AGBL4: variants seen among roughly 807,000 people sequenced by gnomAD.
The protein encoded by AGBL4 is AGBL carboxypeptidase 4.
AGBL4 carries 58 observed loss-of-function variants against 66.4 expected under a neutral mutation model. That is an observed-to-expected ratio of 0.87 (90% confidence interval 0.71 to 1.09). The LOEUF is 1.09. Among genes scored for constraint, AGBL4 ranks in the 50% least tolerant of loss-of-function variants. The pLI, the probability that AGBL4 is intolerant of heterozygous loss-of-function variation, is 0.00. For synonymous variants in AGBL4, 234 were observed against 222.9 expected, an observed-to-expected ratio of 1.05 and a Z score of -0.44; for missense variants, 579 against 631.0, an observed-to-expected ratio of 0.92 and a Z score of 0.88.
intron 11 of AGBL4, among the ~76,000 whole-genome samples, chr1:48,581,619 G>A (rs1462213383): frequency 6.6e-6 from 1 of 152,102 alleles, no homozygotes; most frequent in Non-Finnish European, 1.5e-5. Flanking sequence ...ATGTAAATAG[G>A]GTTTCCTGAA....
intron 9 of AGBL4, among the ~76,000 whole-genome samples, chr1:48,615,541 A>T (rs1197403718): frequency 1.3e-5 from 2 of 152,216 alleles, no homozygotes; most frequent in Non-Finnish European, 2.9e-5. Flanking sequence ...CTTCCCTTTA[A>T]TCTCTTAAGA....
At chr1:48,774,625 A>G (rs1271866653) in intron 6 of AGBL4, among the ~76,000 whole-genome samples, 1 of 152,242 alleles carries the variant, frequency 6.6e-6, no homozygotes, top group Non-Finnish European at 1.5e-5. Flanking sequence ...AGATTTATCA[A>G]CATTCTAACT....
chr1:48,674,407 T>C (rs1031950756), intron 6 of AGBL4, among the ~76,000 whole-genome samples: 3 of 151,904 alleles, frequency 2.0e-5, no homozygotes, highest in African/African-American at 7.3e-5. Context: ...GAGAGCAGAG[T>C]AGACCCAGGT....
At chr1:49,294,581 C>T (rs1644603928) in intron 3 of AGBL4, among the ~76,000 whole-genome samples, 1 of 152,172 alleles carries the variant, frequency 6.6e-6, no homozygotes, top group African/African-American at 2.4e-5. Flanking sequence ...ATTGTGCTTT[C>T]CCACATCTAA....
intron 1 of AGBL4, among the ~76,000 whole-genome samples, chr1:49,955,365 T>C (rs1204357518): frequency 6.6e-6 from 1 of 151,974 alleles, no homozygotes; most frequent in Non-Finnish European, 1.5e-5. Flanking sequence ...AAAACAGAAT[T>C]ACATTGGGTA....
chr1:48,746,600 C>T (rs1297893453), intron 6 of AGBL4, among the ~76,000 whole-genome samples: 1 of 152,254 alleles, frequency 6.6e-6, no homozygotes, highest in Non-Finnish European at 1.5e-5. Flanking sequence ...CAACAGCCTC[C>T]TCCTTCCAGG....
At chr1:49,012,538 C>G (rs1171502514) in intron 5 of AGBL4, among the ~76,000 whole-genome samples, 1 of 152,128 alleles carries the variant, frequency 6.6e-6, no homozygotes, top group East Asian at 1.9e-4. Flanking sequence ...ACAGCATAAT[C>G]CAAACCCATA....
At position 49,948,045 on chromosome 1, in the gene AGBL4, TATATAA is replaced by T. The variant is rs1222188770; in HGVS notation, c.34+75712_34+75717del. On this transcript the variant is annotated intron_variant, in intron 1 of 13. Coordinates refer to ENST00000371839, the MANE Select transcript of AGBL4 (RefSeq NM_032785.4). ...ATATATAAATATATATACATATAAATATATAAATATATATATGTAAATATATGTAAA... is the reference window on the plus strand; with the variant it reads ...ATATATAAATATATATACATATAAATATATATATATGTAAATATATGTAAA... 8.9e-3 allele frequency among the ~76,000 whole-genome samples: 58 copies of T among 6,536 alleles called. 1 individual carries two copies. The highest frequency in any genetic ancestry group is 0.014 in the African/African-American group (58 of 4,112). The allele number at this position is 6,536 out of a possible 152,430, so 4.3% of individuals were successfully genotyped here. A position where few individuals can be genotyped will look rare whatever the true frequency, so the allele number is the denominator to read the frequency against.
chr1:49,833,893 G>A (rs999788364), intron 2 of AGBL4, among the ~76,000 whole-genome samples: 2 of 152,132 alleles, frequency 1.3e-5, no homozygotes, highest in African/African-American at 4.8e-5. Flanking sequence ...GAGATTTTGG[G>A]CTGAGACAAT....
chr1:49,698,687 G>T (rs528616179), intron 2 of AGBL4, among the ~76,000 whole-genome samples: 2 of 151,988 alleles, frequency 1.3e-5, no homozygotes, highest in Non-Finnish European at 2.9e-5. Context: ...AAGTGGTAAG[G>T]CTTAATAAAA....
intron 6 of AGBL4, among the ~76,000 whole-genome samples, chr1:48,824,901 C>A (rs1343058094): frequency 6.6e-6 from 1 of 152,200 alleles, no homozygotes; most frequent in Non-Finnish European, 1.5e-5. Flanking sequence ...AGCTCTGCAA[C>A]TACCTGTGTA....
chr1:48,665,358 C>T (rs1350672367), intron 6 of AGBL4, among the ~76,000 whole-genome samples: 1 of 152,196 alleles, frequency 6.6e-6, no homozygotes, highest in East Asian at 1.9e-4. Context: ...TGGCTAATGT[C>T]TTTCCCAGGA....
At chr1:49,833,082 G>C (rs965698453) in intron 2 of AGBL4, among the ~76,000 whole-genome samples, 6 of 152,078 alleles carry the variant, frequency 3.9e-5, no homozygotes, top group Admixed American at 2.0e-4. Flanking sequence ...CCTATGTCCT[G>C]AATGGTAATG....
intron 2 of AGBL4, among the ~76,000 whole-genome samples, chr1:49,712,957 TA>T (rs1325391850): frequency 6.6e-6 from 1 of 152,030 alleles, no homozygotes; most frequent in Non-Finnish European, 1.5e-5. Context: ...AAACATTCAA[TA>T]ACATTAACTA....
chr1:49,874,091 C>A (rs755453900), intron 1 of AGBL4, among the ~76,000 whole-genome samples: 7 of 151,980 alleles, frequency 4.6e-5, no homozygotes, highest in Non-Finnish European at 1.0e-4. Context: ...TCCAACAAAG[C>A]TGCAATGGTA....
intron 4 of AGBL4, among the ~76,000 whole-genome samples, chr1:49,180,641 T>G (rs1441230723): frequency 6.6e-6 from 1 of 152,166 alleles, no homozygotes; most frequent in Non-Finnish European, 1.5e-5. Context: ...CAGAAGATAC[T>G]GATCCAGAAG....
At chr1:49,420,830 T>G (rs1001466622) in intron 3 of AGBL4, among the ~76,000 whole-genome samples, 1 of 152,198 alleles carries the variant, frequency 6.6e-6, no homozygotes, top group Non-Finnish European at 1.5e-5. Flanking sequence ...AGCTAGAACC[T>G]AATCTGTGCC....
At chr1:49,798,251 T>C (rs1034747784) in intron 2 of AGBL4, among the ~76,000 whole-genome samples, 1 of 152,198 alleles carries the variant, frequency 6.6e-6, no homozygotes, top group African/African-American at 2.4e-5. Context: ...TTTTTAAAAT[T>C]AAAGATAACA....
At chr1:48,702,818 T>C (rs1303807655) in intron 6 of AGBL4, among the ~76,000 whole-genome samples, 3 of 152,214 alleles carry the variant, frequency 2.0e-5, no homozygotes, top group African/African-American at 4.8e-5. Flanking sequence ...TTTGATTCCG[T>C]AGTCAGAAAA....
Sources: gnomAD v4.1 joint callset for allele counts (sites outside exome capture counted in the v4.1 genomes callset) on GRCh38, gnomAD v4.1.1 for gene constraint, MANE v1.5 for transcripts, NCBI Gene and HGNC (gene_info 2026-07-23, HGNC 2026-07-21) for gene names.